Variants in ZMAT4 observed in about 807,000 individuals in gnomAD.
ZMAT4 encodes the protein zinc finger matrin-type protein 4.
ZMAT4 carries 17 observed loss-of-function variants against 28.7 expected under a neutral mutation model. The ratio of observed to expected loss-of-function variants is 0.59; its 90% CI spans 0.41 to 0.89. The LOEUF is 0.89. ZMAT4 is among the 40% of genes least tolerant of loss of function. The pLI is 0.00. For missense variants in ZMAT4, 240 were observed against 283.8 expected (o/e 0.85, Z 1.11); for synonymous variants, 117 against 109.2 (o/e 1.07, Z -0.44).
chr8:40,720,217 G>A (rs1288465473), intron 3 of ZMAT4, among the ~76,000 whole-genome samples: 1 of 152,138 alleles, frequency 6.6e-6, no homozygotes, highest in Admixed American at 6.5e-5. Context: ...ATTCCATTCA[G>A]GTGATTGTTG....
At chr8:40,573,251 C>A (rs1322818855) in intron 6 of ZMAT4, among the ~76,000 whole-genome samples, 1 of 152,066 alleles carries the variant, frequency 6.6e-6, no homozygotes, top group Non-Finnish European at 1.5e-5. Flanking sequence ...TAGTTTACAG[C>A]AGAAATTCAT....
chr8:40,869,243 C>G (rs888442286), intron 1 of ZMAT4, among the ~76,000 whole-genome samples: 2 of 152,204 alleles, frequency 1.3e-5, no homozygotes, highest in African/African-American at 4.8e-5. Flanking sequence ...TCTTATGAAA[C>G]TTTACACCAC....
chr8:40,560,218 A>ATATATAT (rs1563340240), intron 6 of ZMAT4, among the ~76,000 whole-genome samples: 20 of 134,654 alleles, frequency 1.5e-4, no homozygotes, highest in African/African-American at 4.4e-4. Flanking sequence ...TATATATATA[A>ATATATAT]AATTTGACCA....
At chr8:40,656,545 T>C (rs1807930808) in intron 5 of ZMAT4, among the ~76,000 whole-genome samples, 1 of 152,050 alleles carries the variant, frequency 6.6e-6, no homozygotes, top group Non-Finnish European at 1.5e-5. Context: ...CAACTTAATG[T>C]CCACCAATGA....
At chr8:40,635,464 C>T (rs1480933189) in intron 5 of ZMAT4, among the ~76,000 whole-genome samples, 1 of 152,148 alleles carries the variant, frequency 6.6e-6, no homozygotes, top group African/African-American at 2.4e-5. Context: ...GCACCCCGAC[C>T]CCACCATACG....
chr8:40,886,132 T>C (rs566224513), intron 1 of ZMAT4, among the ~76,000 whole-genome samples: 19 of 152,214 alleles, frequency 1.2e-4, no homozygotes, highest in African/African-American at 4.3e-4. Flanking sequence ...AGAAGCACAT[T>C]GTTTGCCTCA....
intron 1 of ZMAT4, among the ~76,000 whole-genome samples, chr8:40,858,068 G>C (rs1163284174): frequency 6.6e-6 from 1 of 152,188 alleles, no homozygotes; most frequent in African/African-American, 2.4e-5. Context: ...TTGGGTGGAG[G>C]GAATACAAGG....
At chr8:40,891,251 A>C (rs970409055) in intron 1 of ZMAT4, among the ~76,000 whole-genome samples, 1 of 29,320 alleles carries the variant, frequency 3.4e-5, no homozygotes, top group Admixed American at 4.4e-4. Flanking sequence ...AGCAAGGGGG[A>C]AGGGGGAGGG....
intron 4 of ZMAT4, among the ~76,000 whole-genome samples, chr8:40,693,784 T>A (rs1035821099): frequency 1.3e-5 from 2 of 152,230 alleles, no homozygotes; most frequent in Admixed American, 6.5e-5. Flanking sequence ...TGCACCCATC[T>A]GGAGAAGGCG....
In ZMAT4 at chr8:40,531,394, A is replaced by T. The variant is rs927879506; in HGVS notation, c.*829T>A. 7 of 97,652 alleles carry T rather than the reference A, an allele frequency of 7.2e-5. No individual in the cohort carries two copies. The highest frequency in any genetic ancestry group is 1.6e-4 in the Non-Finnish European group (6 of 37,420). The allele number at this position is 97,652 out of a possible 1,614,324, so 6.0% of individuals were successfully genotyped here. A position where few individuals can be genotyped will look rare whatever the true frequency, so the allele number is the denominator to read the frequency against. On this transcript the variant is annotated 3_prime_UTR_variant, in exon 7 of 7. Coordinates refer to ENST00000297737, the MANE Select transcript of ZMAT4 (RefSeq NM_024645.3). ...GCCCACAGTTCAGGCCAAACATCAT[A>T]AAAAAAAATACTTGTTTATTTCCAT...
At chr8:40,750,483 T>C (rs1585990286) in intron 3 of ZMAT4, among the ~76,000 whole-genome samples, 1 of 152,174 alleles carries the variant, frequency 6.6e-6, no homozygotes. Flanking sequence ...GATCCCTCCC[T>C]GTATCCCAGC....
intron 3 of ZMAT4, among the ~76,000 whole-genome samples, chr8:40,750,266 A>G (rs1298107072): frequency 6.6e-6 from 1 of 152,196 alleles, no homozygotes; most frequent in East Asian, 1.9e-4. Context: ...CACAAGCCAG[A>G]ATGTAGTGAA....
intron 6 of ZMAT4, among the ~76,000 whole-genome samples, chr8:40,533,890 G>C (rs191508884): frequency 8.7e-4 from 132 of 152,250 alleles, no homozygotes; most frequent in African/African-American, 2.9e-3. Context: ...AAATTAATGT[G>C]ACATAAGGGT....
intron 5 of ZMAT4, among the ~76,000 whole-genome samples, chr8:40,614,805 G>C (rs1162972117): frequency 6.6e-6 from 1 of 151,912 alleles, no homozygotes; most frequent in Non-Finnish European, 1.5e-5. Context: ...CCTTTATTTT[G>C]AGCCTATGTG....
chr8:40,747,605 A>T (rs1171857332), intron 3 of ZMAT4, among the ~76,000 whole-genome samples: 1 of 152,168 alleles, frequency 6.6e-6, no homozygotes. Context: ...AGAAAAAAAA[A>T]CAACACATAA....
intron 6 of ZMAT4, among the ~76,000 whole-genome samples, chr8:40,579,496 C>T (rs1168643768): frequency 6.6e-6 from 1 of 152,070 alleles, no homozygotes; most frequent in Non-Finnish European, 1.5e-5. Flanking sequence ...AGAATTATTC[C>T]AGTAAGAGTC....
intron 5 of ZMAT4, among the ~76,000 whole-genome samples, chr8:40,673,839 T>C (rs1428634462): frequency 2.0e-5 from 3 of 152,130 alleles, no homozygotes; most frequent in East Asian, 1.9e-4. Flanking sequence ...CTTCAAATGA[T>C]ACATGGTTTC....
intron 1 of ZMAT4, among the ~76,000 whole-genome samples, chr8:40,877,686 G>A (rs182971783): frequency 2.0e-5 from 3 of 151,686 alleles, no homozygotes; most frequent in Admixed American, 6.6e-5. Flanking sequence ...AAACATATGC[G>A]TGTGTGTGTG....
chr8:40,745,173 G>A (rs780409160), intron 3 of ZMAT4, among the ~76,000 whole-genome samples: 17 of 152,110 alleles, frequency 1.1e-4, no homozygotes, highest in African/African-American at 3.1e-4. Flanking sequence ...TAATTCAATC[G>A]TTTCTAGCCT....
Sources: gnomAD v4.1 joint callset for allele counts (sites outside exome capture counted in the v4.1 genomes callset) on GRCh38, gnomAD v4.1.1 for gene constraint, MANE v1.5 for transcripts, NCBI Gene and HGNC (gene_info 2026-07-23, HGNC 2026-07-21) for gene names.